Variants in DDX4 observed in about 807,000 individuals in gnomAD.
DDX4 encodes the protein DEAD-box helicase 4.
Under a neutral mutation model 100.0 loss-of-function variants are expected in DDX4, and 25 were observed. The ratio of observed to expected loss-of-function variants is 0.25; its 90% CI spans 0.18 to 0.35. DDX4 has a LOEUF of 0.35. DDX4 is among the 10% of genes least tolerant of loss of function. The pLI, the probability that DDX4 is intolerant of heterozygous loss-of-function variation, is 1.00. For synonymous variants in DDX4, 259 were observed against 275.7 expected (o/e 0.94, Z 0.60); for missense variants, 635 against 882.4 (o/e 0.72, Z 3.55).
At chr5:55,815,941 T>G (rs1460507187) in intron 21 of DDX4, among the ~76,000 whole-genome samples, 2 of 147,972 alleles carry the variant, frequency 1.4e-5, no homozygotes, top group East Asian at 2.0e-4. Context: ...TAGCTGGTTT[T>G]TTTTTTTTTT....
chr5:55,761,676 C>T (rs1022159494), intron 4 of DDX4, among the ~76,000 whole-genome samples: 13 of 151,824 alleles, frequency 8.6e-5, no homozygotes, highest in South Asian at 4.2e-4. Context: ...GGCACAATCT[C>T]GGCTTACTGC....
At chr5:55,739,924 A>G (rs992796465) in intron 2 of DDX4, among the ~76,000 whole-genome samples, 1 of 152,086 alleles carries the variant, frequency 6.6e-6, no homozygotes, top group African/African-American at 2.4e-5. Context: ...AAATTTTTGT[A>G]GAGATGAAGT....
intron 5 of DDX4, 59 bp downstream of exon 5, chr5:55,763,311 G>C (rs1028402932): frequency 5.6e-6 from 6 of 1,064,150 alleles, no homozygotes; most frequent in African/African-American, 1.6e-5. Context: ...TAATAATTGA[G>C]TTTAAATACT....
intron 7 of DDX4, among the ~76,000 whole-genome samples, chr5:55,776,999 TTAA>T (rs763212253): frequency 5.3e-5 from 8 of 152,134 alleles, no homozygotes; most frequent in Non-Finnish European, 1.2e-4. Context: ...AAAATATTTC[TTAA>T]TAAGTAAAAT....
intron 15 of DDX4, 114 bp from the exon 16 acceptor site, chr5:55,790,462 T>G: frequency 1.3e-6 from 1 of 748,664 alleles, no homozygotes; most frequent in South Asian, 1.8e-5. Context: ...TAATATTTTT[T>G]TAGATAGTTG....
chr5:55,763,195 C>A lies in DDX4; in HGVS notation c.226C>A (p.Arg76=), dbSNP rs772260696. 9 of 1,611,202 alleles carry A rather than the reference C, an allele frequency of 5.6e-6. No homozygotes were observed. The East Asian group carries it at 1.8e-4, about 32-fold the overall frequency. The change falls in exon 5 of 22, where the codon CGA becomes AGA. Residue 76 remains arginine (R), a synonymous_variant. Coordinates refer to ENST00000505374, the MANE Select transcript of DDX4 (RefSeq NM_024415.3). The part of the protein sequence containing the change: ...GNRDAGECNK[R]DNTSTMGGFG... Reference sequence around the variant, plus strand: ...TTCAGATGCTGGTGAGTGTAATAAGCGAGATAATACATCCACAATGGGTGG... The same window carrying A: ...TTCAGATGCTGGTGAGTGTAATAAGAGAGATAATACATCCACAATGGGTGG...
intron 3 of DDX4, among the ~76,000 whole-genome samples, chr5:55,749,618 A>G (rs150964621): frequency 1.3e-3 from 205 of 152,208 alleles, no homozygotes; most frequent in African/African-American, 4.7e-3. Context: ...AAGTTTTTGT[A>G]ACTGTATATG....
intron 3 of DDX4, among the ~76,000 whole-genome samples, chr5:55,754,288 A>G (rs927142736): frequency 1.2e-3 from 171 of 147,100 alleles, no homozygotes; most frequent in African/African-American, 4.0e-3. Context: ...TTGCCCATTC[A>G]GTATGATATT....
chr5:55,811,022 C>CTT (rs5867999), intron 18 of DDX4, among the ~76,000 whole-genome samples: 1 of 140,722 alleles, frequency 7.1e-6, no homozygotes, highest in African/African-American at 2.6e-5. Context: ...CTTCTTTAGT[C>CTT]TTTTTTTTTT....
intron 7 of DDX4, among the ~76,000 whole-genome samples, chr5:55,778,333 C>T (rs1004575603): frequency 2.0e-5 from 3 of 151,758 alleles, no homozygotes; most frequent in Non-Finnish European, 4.4e-5. Flanking sequence ...TTAAATGCAT[C>T]AGAGAAAGGA....
chr5:55,788,400 C>T (rs533824980), intron 15 of DDX4, among the ~76,000 whole-genome samples: 70 of 152,188 alleles, frequency 4.6e-4, no homozygotes, highest in Middle Eastern at 3.4e-3. Context: ...TGTTTGAGTC[C>T]AGGAGTTTGA....
intron 7 of DDX4, among the ~76,000 whole-genome samples, chr5:55,775,847 G>A (rs537800045): frequency 6.6e-6 from 1 of 152,200 alleles, no homozygotes; most frequent in South Asian, 2.1e-4. Flanking sequence ...TTGGCCGGGC[G>A]CAGTGGCTCA....
At chr5:55,790,002 A>G (rs543965400) in intron 15 of DDX4, among the ~76,000 whole-genome samples, 21 of 152,240 alleles carry the variant, frequency 1.4e-4, no homozygotes, top group Middle Eastern at 3.4e-3. Context: ...ATCCTCATGT[A>G]ACATGTTGCT....
intron 7 of DDX4, among the ~76,000 whole-genome samples, chr5:55,770,776 A>C (rs1741207036): frequency 6.6e-6 from 1 of 152,112 alleles, no homozygotes; most frequent in Non-Finnish European, 1.5e-5. Context: ...GGTGGGGAGA[A>C]AGTTAAGCTA....
intron 17 of DDX4, among the ~76,000 whole-genome samples, chr5:55,795,374 C>T (rs565342056): frequency 2.8e-4 from 43 of 152,292 alleles, no homozygotes; most frequent in African/African-American, 9.9e-4. Flanking sequence ...CCCTTTTTCC[C>T]GTTTTCTTTA....
At chr5:55,812,955 A>C (rs2112196007) in intron 18 of DDX4, among the ~76,000 whole-genome samples, 1 of 151,988 alleles carries the variant, frequency 6.6e-6, no homozygotes, top group African/African-American at 2.4e-5. Flanking sequence ...AGAAATGGGG[A>C]GAGAGATTAT....
chr5:55,746,361 T>G (rs1007227916), intron 3 of DDX4, 140 bp downstream of exon 3: 1 of 598,756 alleles, frequency 1.7e-6, no homozygotes, highest in African/African-American at 1.9e-5. Context: ...ATTTGGATAT[T>G]GTGGAATGGG....
At chr5:55,774,923 T>C (rs1741467810) in intron 7 of DDX4, among the ~76,000 whole-genome samples, 1 of 152,216 alleles carries the variant, frequency 6.6e-6, no homozygotes, top group African/African-American at 2.4e-5. Context: ...TATTAACTAT[T>C]CTTAAGTGTA....
intron 4 of DDX4, among the ~76,000 whole-genome samples, chr5:55,762,514 T>C (rs1003730954): frequency 3.3e-5 from 5 of 152,196 alleles, no homozygotes; most frequent in African/African-American, 1.2e-4. Context: ...AAGTAGGGAA[T>C]GCCATGCCAA....
Sources: allele counts gnomAD v4.1 joint callset (sites outside exome capture counted in the v4.1 genomes callset), GRCh38; gene constraint gnomAD v4.1.1; transcripts MANE v1.5; gene names NCBI Gene and HGNC (gene_info 2026-07-23, HGNC 2026-07-21).